The following UGT2A2 variants were observed in gnomAD, a reference collection of about 807,000 sequenced individuals.
The protein encoded by UGT2A2 is UDP glucuronosyltransferase family 2 member A2.
UGT2A2 carries 60 observed loss-of-function variants against 50.7 expected under a neutral mutation model. The observed-to-expected ratio is 1.18, with a 90% CI of 0.96 to 1.47. UGT2A2 has a LOEUF of 1.47. UGT2A2 is among the 40% of genes most tolerant of loss of function. UGT2A2 has a pLI of 0.00. For missense variants in UGT2A2, 762 were observed against 634.0 expected (o/e 1.20, Z -2.17); for synonymous variants, 242 against 214.6 (o/e 1.13, Z -1.11).
intron 1 of UGT2A2, among the ~76,000 whole-genome samples, chr4:69,632,551 G>A (rs1161825724): frequency 6.6e-6 from 1 of 151,994 alleles, no homozygotes; most frequent in Admixed American, 6.6e-5. Flanking sequence ...TCTTATGCAC[G>A]ACAATAGTAA....
intron 1 of UGT2A2, among the ~76,000 whole-genome samples, chr4:69,607,940 C>T (rs546701626): frequency 6.6e-6 from 1 of 151,906 alleles, no homozygotes; most frequent in Non-Finnish European, 1.5e-5. Flanking sequence ...GAGAGGATGT[C>T]GAGAAATAGG....
chr4:69,619,171 G>T (rs1720593382), intron 1 of UGT2A2, among the ~76,000 whole-genome samples: 1 of 151,890 alleles, frequency 6.6e-6, no homozygotes. Flanking sequence ...GCCAATACAG[G>T]AGGATTGCTT....
At chr4:69,599,057 A>C (rs183320475) in intron 2 of UGT2A2, among the ~76,000 whole-genome samples, 189 bp downstream of exon 2, 11 of 152,296 alleles carry the variant, frequency 7.2e-5, no homozygotes, top group Admixed American at 6.5e-4. Flanking sequence ...TCTTCAGTTT[A>C]AATTGTCAAT....
intron 1 of UGT2A2, chr4:69,599,682 G>GT (rs1208210439): frequency 7.8e-6 from 2 of 257,882 alleles, no homozygotes. Context: ...GAAGAAAGAG[G>GT]TAGAAATAAA....
chr4:69,607,978 T>C (rs1031721615), intron 1 of UGT2A2, among the ~76,000 whole-genome samples: 1 of 152,202 alleles, frequency 6.6e-6, no homozygotes, highest in Non-Finnish European at 1.5e-5. Context: ...GGTGGGACTG[T>C]AAACTAGTTC....
At chr4:69,614,752 G>A (rs1405466167) in intron 1 of UGT2A2, among the ~76,000 whole-genome samples, 1 of 151,978 alleles carries the variant, frequency 6.6e-6, no homozygotes, top group Non-Finnish European at 1.5e-5. Flanking sequence ...TGGGAAGCTA[G>A]GTATCTATAT....
At chr4:69,613,636 T>C (rs555942705) in intron 1 of UGT2A2, among the ~76,000 whole-genome samples, 2 of 152,070 alleles carry the variant, frequency 1.3e-5, no homozygotes, top group Non-Finnish European at 2.9e-5. Flanking sequence ...CATTATTACA[T>C]GTGATTTATC....
chr4:69,595,419 G>C (rs1222221649), intron 3 of UGT2A2, among the ~76,000 whole-genome samples, 170 bp from the exon 4 acceptor site: 1 of 152,152 alleles, frequency 6.6e-6, no homozygotes, highest in Non-Finnish European at 1.5e-5. Context: ...GTACCTTTTT[G>C]TAAAGTCTTG....
In UGT2A2 at chr4:69,605,973, C is replaced by G. The variant is rs1288491741; in HGVS notation, c.743-6579G>C. ...AAAAGTCCAGGACCAGATGGATTCA[C>G]AGCTGAATTCTACCAGAAGTACAAG... On this transcript the variant is annotated intron_variant, in intron 1 of 5. Transcript: ENST00000604629. Among the ~76,000 whole-genome samples, 2 of 136,708 alleles carry G rather than the reference C, an allele frequency of 1.5e-5. 1 individual carries two copies. Among genetic ancestry groups the G allele is most frequent in the African/African-American group, 5.9e-5 (2 of 33,812 alleles). 89.7% of individuals were successfully genotyped at this position (136,708 alleles called of 152,430 possible). A position where few individuals can be genotyped will look rare whatever the true frequency, so the allele number is the denominator to read the frequency against.
rs71206000 is a variant in UGT2A2 at position 69,602,463 on chromosome 4, T to TTATCTATC, written c.743-3077_743-3070dup. 2.9e-3 allele frequency among the ~76,000 whole-genome samples: 293 copies of TTATCTATC among 100,918 alleles called. 39 individuals are homozygous for TTATCTATC. The highest frequency in any genetic ancestry group is 0.017 in the Middle Eastern group (3 of 174). 66.2% of individuals were successfully genotyped at this position (100,918 alleles called of 152,430 possible). The stretch of plus-strand genomic sequence containing the variant: ...TTTAGAATAACAAAGATTTAGGAGT[T>TTATCTATC]TATCTATCTATCTATCTATCTATCT... On this transcript the variant is annotated intron_variant, in intron 1 of 5. Transcript: ENST00000604629.
intron 1 of UGT2A2, among the ~76,000 whole-genome samples, chr4:69,622,714 C>G (rs990821990): frequency 6.6e-6 from 1 of 151,652 alleles, no homozygotes; most frequent in African/African-American, 2.4e-5. Flanking sequence ...TACTTGATGT[C>G]TAGGCAATGT....
intron 1 of UGT2A2, among the ~76,000 whole-genome samples, chr4:69,632,772 C>T (rs977412262): frequency 2.1e-4 from 32 of 151,880 alleles, no homozygotes; most frequent in African/African-American, 7.7e-4. Context: ...CCTGTAATCC[C>T]AGCTACTCTG....
chr4:69,590,526 G>A lies in UGT2A2; in HGVS notation c.1332-875C>T, dbSNP rs141354851. Among the ~76,000 whole-genome samples the A allele has an allele frequency of 4.4e-3, 666 of 152,196 alleles. 7 individuals are homozygous for A. The highest frequency in any genetic ancestry group is 0.015 in the African/African-American group (610 of 41,530). On this transcript the variant is annotated intron_variant, in intron 5 of 5. Transcript: ENST00000604629. ...GAAGGTAAATGGTTTGTGCAGAGAT[G>A]TCCCGGTGTTGGCAGGACATTGTTA... is the stretch of plus-strand genomic sequence containing the variant.
intron 1 of UGT2A2, among the ~76,000 whole-genome samples, chr4:69,616,789 CA>C (rs1720416256): frequency 6.7e-6 from 1 of 149,712 alleles, no homozygotes; most frequent in African/African-American, 2.4e-5. Context: ...TAATAAAAAT[CA>C]AAAGCTAATG....
chr4:69,602,630 G>T lies in UGT2A2; in HGVS notation c.743-3236C>A, dbSNP rs575642769. Among the ~76,000 whole-genome samples the T allele has an allele frequency of 5.3e-4, 73 of 137,376 alleles. 10 individuals are homozygous for T. Among genetic ancestry groups the T allele is most frequent in the Non-Finnish European group, 7.9e-4 (51 of 64,416 alleles). 90.1% of individuals were successfully genotyped at this position (137,376 alleles called of 152,430 possible). On this transcript the variant is annotated intron_variant, in intron 1 of 5. Coordinates refer to ENST00000604629, the MANE Select transcript of UGT2A2 (RefSeq NM_001105677.2). ...TAGCAACTGAAATTTCTGTGCACAA[G>T]TAAACGAAGATTTAATTTAAAAACT...
At position 69,638,974 on chromosome 4, in the gene UGT2A2, T is replaced by A. The variant is rs767095434; in HGVS notation, c.667A>T (p.Ile223Leu). 1.9e-6 allele frequency: 3 copies of A among 1,613,016 alleles called. No homozygotes were observed. In the East Asian group the frequency reaches 6.7e-5, roughly 36 times the overall value. The change falls in exon 1 of 6, where the codon ATA becomes TTA. Residue 223 changes from isoleucine to leucine, a missense_variant. Transcript: ENST00000604629. ...MTFGERIKNT[I>L]SYSLQDYIFQ... Reference sequence around the variant, plus strand: ...ATATAGTCTTGCAGAGAATAAGATATGGTATTTTTAATCCTTTCACCAAAG... The same window carrying A: ...ATATAGTCTTGCAGAGAATAAGATAAGGTATTTTTAATCCTTTCACCAAAG...
At chr4:69,620,061 T>C (rs1420333298) in intron 1 of UGT2A2, among the ~76,000 whole-genome samples, 3 of 152,068 alleles carry the variant, frequency 2.0e-5, no homozygotes, top group African/African-American at 7.2e-5. Flanking sequence ...AGCATTTTCC[T>C]TATAAACTGG....
intron 4 of UGT2A2, among the ~76,000 whole-genome samples, 193 bp downstream of exon 4, chr4:69,594,969 A>G (rs1718829582): frequency 6.6e-6 from 1 of 152,210 alleles, no homozygotes; most frequent in Admixed American, 6.5e-5. Flanking sequence ...TTAACTGAAA[A>G]TGCTCTTTTG....
In UGT2A2 at chr4:69,594,505, C is replaced by A. The variant is rs745764251; in HGVS notation, c.1303G>T (p.Ala435Ser). Residue 435 changes from alanine (A) to serine (S), a missense_variant, in exon 5 of 6, where the codon GCT becomes TCT. Physicochemically the swap from Ala to Ser is moderately conservative, Grantham distance 99 (BLOSUM62 1). Transcript: ENST00000604629. The part of the protein sequence containing the change: ...NTMTSVDLLS[A>S]LRTVINEPSY... ...GGTTCATTAATGACTGTTCTCAAAG[C>A]GCTAAGCAAATCCACACTTGTCATT... is the stretch of plus-strand genomic sequence containing the variant. 3.1e-6 allele frequency: 5 copies of A among 1,613,964 alleles called. No individual in the cohort carries two copies. The Admixed American group carries it at 6.7e-5, about 22-fold the overall frequency.
Sources: allele counts gnomAD v4.1 joint callset (sites outside exome capture counted in the v4.1 genomes callset), GRCh38; gene constraint gnomAD v4.1.1; transcripts MANE v1.5; gene names NCBI Gene and HGNC (gene_info 2026-07-23, HGNC 2026-07-21).